Variants in SGCD observed in about 807,000 individuals in gnomAD.
SGCD encodes delta-sarcoglycan.
Under a neutral mutation model 36.6 loss-of-function variants are expected in SGCD, and 18 were observed. The ratio of observed to expected loss-of-function variants is 0.49; its 90% CI spans 0.34 to 0.73. SGCD has a LOEUF of 0.73. Ranked by LOEUF, SGCD falls within the 30% of genes least tolerant of loss-of-function variation. The probability of loss-of-function intolerance (pLI) is 0.01; values close to 1 mark genes in which losing one functional copy is unlikely to be tolerated. For missense variants in SGCD, 387 were observed against 346.7 expected (o/e 1.12, Z -0.92); for synonymous variants, 133 against 130.6 (o/e 1.02, Z -0.12).
chr5:156,153,424 G>T (rs115864936), intron 3 of SGCD, among the ~76,000 whole-genome samples: 1 of 151,396 alleles, frequency 6.6e-6, no homozygotes, highest in African/African-American at 2.5e-5. Flanking sequence ...GTTAGAAATC[G>T]GATCTTCAAG....
At chr5:156,365,575 T>A (rs906212021) in intron 3 of SGCD, among the ~76,000 whole-genome samples, 39 of 152,214 alleles carry the variant, frequency 2.6e-4, no homozygotes, top group African/African-American at 8.7e-4. Flanking sequence ...TCATCTGCAC[T>A]ACAGTTTTCT....
intron 4 of SGCD, among the ~76,000 whole-genome samples, chr5:156,584,542 G>A (rs564398124): frequency 3.3e-5 from 5 of 152,266 alleles, no homozygotes; most frequent in African/African-American, 1.2e-4. Flanking sequence ...CCACATGCCA[G>A]ATGAGTGCTA....
chr5:156,645,314 G>T (rs963912184), intron 6 of SGCD, among the ~76,000 whole-genome samples: 2 of 152,108 alleles, frequency 1.3e-5, no homozygotes, highest in Non-Finnish European at 2.9e-5. Context: ...ACAGAGAGAG[G>T]ATGGGATGGG....
At chr5:156,734,689 T>C (rs1170019032) in intron 7 of SGCD, among the ~76,000 whole-genome samples, 1 of 151,932 alleles carries the variant, frequency 6.6e-6, no homozygotes, top group Admixed American at 6.5e-5. Context: ...AAAATTCTTG[T>C]AGTCTGTTTT....
At chr5:156,673,184 T>C (rs969485802) in intron 7 of SGCD, among the ~76,000 whole-genome samples, 2 of 152,236 alleles carry the variant, frequency 1.3e-5, no homozygotes, top group South Asian at 2.1e-4. Context: ...ACATTGTTTA[T>C]GAAGGAGGGC....
Position 156,435,259 on chromosome 5 carries a change from G to A in SGCD, c.193-73342G>A, listed in dbSNP as rs190868212. ...CTTGCTCAGGGCTACACAGCTTAACGCATTTTAATTTGTGCCCTAGACACA... is the reference window on the plus strand; with the variant it reads ...CTTGCTCAGGGCTACACAGCTTAACACATTTTAATTTGTGCCCTAGACACA... On this transcript the variant is annotated intron_variant, in intron 3 of 8. Transcript: ENST00000337851. Among the ~76,000 whole-genome samples the A allele has an allele frequency of 1.4e-4, 21 of 152,268 alleles. No homozygotes were observed. The East Asian group carries it at 2.9e-3, about 21-fold the overall frequency.
chr5:155,883,793 CAAA>C (rs34250962), intron 1 of SGCD, among the ~76,000 whole-genome samples: 1 of 83,486 alleles, frequency 1.2e-5, no homozygotes, highest in South Asian at 4.6e-4. Flanking sequence ...CTTCAATTTG[CAAA>C]AAAAAAAAAA....
the SGCD span, among the ~76,000 whole-genome samples, chr5:155,828,688 T>C: frequency 1.3e-5 from 2 of 151,970 alleles, no homozygotes; most frequent in African/African-American, 4.8e-5. Flanking sequence ...ATTTTTTTTT[T>C]TATATTTTAT....
chr5:156,366,126 C>G (rs1770092481), intron 3 of SGCD, among the ~76,000 whole-genome samples: 1 of 152,152 alleles, frequency 6.6e-6, no homozygotes, highest in East Asian at 1.9e-4. Flanking sequence ...GTCAGTGCCC[C>G]CATGGGTGCT....
chr5:155,860,586 A>C, the SGCD span, among the ~76,000 whole-genome samples: 2 of 152,212 alleles, frequency 1.3e-5, no homozygotes, highest in Non-Finnish European at 2.9e-5. Flanking sequence ...TGATTAAGGT[A>C]CTGAATTTCA....
intron 4 of SGCD, among the ~76,000 whole-genome samples, chr5:156,522,772 A>G (rs528626756): frequency 1.4e-5 from 2 of 141,028 alleles, no homozygotes; most frequent in Non-Finnish European, 3.0e-5. Context: ...CCACCCCCCG[A>G]CACACACATC....
intron 3 of SGCD, among the ~76,000 whole-genome samples, chr5:156,463,884 A>C (rs191132668): frequency 1.3e-5 from 2 of 152,240 alleles, no homozygotes; most frequent in East Asian, 3.9e-4. Context: ...TTAGCCCAGG[A>C]GGTTGAGGCT....
At chr5:156,489,080 T>C (rs1395844933) in intron 3 of SGCD, among the ~76,000 whole-genome samples, 2 of 152,098 alleles carry the variant, frequency 1.3e-5, no homozygotes, top group African/African-American at 4.8e-5. Context: ...TAGCTTTTCT[T>C]ATATCAGATA....
At chr5:156,130,080 T>A (rs1009446243) in intron 3 of SGCD, among the ~76,000 whole-genome samples, 6 of 152,348 alleles carry the variant, frequency 3.9e-5, no homozygotes, top group South Asian at 2.1e-4. Context: ...CTTTTCACAG[T>A]GGTTGAACTA....
chr5:155,941,992 A>C (rs1190210305), intron 1 of SGCD, among the ~76,000 whole-genome samples: 1 of 152,188 alleles, frequency 6.6e-6, no homozygotes, highest in African/African-American at 2.4e-5. Flanking sequence ...AAATGCTCAG[A>C]TCTAATGGAG....
chr5:156,361,323 G>C (rs1016105133), intron 3 of SGCD, among the ~76,000 whole-genome samples: 2 of 152,366 alleles, frequency 1.3e-5, no homozygotes, highest in East Asian at 3.9e-4. Flanking sequence ...TTTTAGGAGA[G>C]AAGCAGTGTA....
chr5:156,397,518 A>G lies in SGCD; in HGVS notation c.192+52841A>G, dbSNP rs146597480. 2.6e-4 allele frequency among the ~76,000 whole-genome samples: 40 copies of G among 152,324 alleles called. 1 individual carries two copies. The East Asian group carries it at 7.2e-3, about 27-fold the overall frequency. On this transcript the variant is annotated intron_variant, in intron 3 of 8. Transcript: ENST00000337851. ...AGGAAAGTGATTTGCCTGAGGTTAC[A>G]CAGCTGAGACCAGAACTCAAATTGT... is the stretch of plus-strand genomic sequence containing the variant.
intron 7 of SGCD, among the ~76,000 whole-genome samples, chr5:156,651,979 T>G (rs1261215378): frequency 6.6e-6 from 1 of 152,144 alleles, no homozygotes; most frequent in South Asian, 2.1e-4. Context: ...GTTCTCCTTG[T>G]AGAGATCTTC....
chr5:156,474,013 G>T (rs982807547), intron 3 of SGCD, among the ~76,000 whole-genome samples: 5 of 151,512 alleles, frequency 3.3e-5, no homozygotes, highest in Non-Finnish European at 5.9e-5. Flanking sequence ...TTCAGGAAAG[G>T]ATCCTAAATT....
Sources: allele counts gnomAD v4.1 joint callset (sites outside exome capture counted in the v4.1 genomes callset), GRCh38; gene constraint gnomAD v4.1.1; transcripts MANE v1.5; gene names NCBI Gene and HGNC (gene_info 2026-07-23, HGNC 2026-07-21).